MAST2: variants seen among roughly 807,000 people sequenced by gnomAD.
The protein encoded by MAST2 is microtubule-associated serine/threonine-protein kinase 2.
A neutral mutation model predicts 147.4 loss-of-function variants in MAST2; 70 were observed. The ratio of observed to expected loss-of-function variants is 0.47; its 90% CI spans 0.39 to 0.58. The LOEUF is 0.58. MAST2 is among the 20% of genes least tolerant of loss of function. The pLI is 0.00. For missense variants in MAST2, 2,080 were observed against 2,302.3 expected (o/e 0.90, Z 1.98); for synonymous variants, 869 against 896.8 (o/e 0.97, Z 0.55).
chr1:45,971,877 A>T (rs1020188366), intron 5 of MAST2, among the ~76,000 whole-genome samples: 1 of 152,214 alleles, frequency 6.6e-6, no homozygotes, highest in Non-Finnish European at 1.5e-5. Context: ...AATAAACTGT[A>T]TAAATTTTTA....
At chr1:45,854,574 T>C (rs1645729822) in intron 3 of MAST2, among the ~76,000 whole-genome samples, 1 of 152,180 alleles carries the variant, frequency 6.6e-6, no homozygotes, top group Admixed American at 6.5e-5. Context: ...TTTTTATATC[T>C]ACAAAAAGTC....
intron 4 of MAST2, among the ~76,000 whole-genome samples, chr1:45,888,346 G>T (rs1302751869): frequency 1.5e-4 from 23 of 151,976 alleles, no homozygotes; most frequent in Admixed American, 1.5e-3. Flanking sequence ...ATCTCTTGGT[G>T]TTCTGTCTTT....
intron 4 of MAST2, among the ~76,000 whole-genome samples, chr1:45,884,822 A>G (rs1647012099): frequency 6.6e-6 from 1 of 152,196 alleles, no homozygotes; most frequent in Non-Finnish European, 1.5e-5. Context: ...GTGGCTTTAA[A>G]ACAGGAGCTC....
chr1:45,884,249 C>T (rs796445826), intron 4 of MAST2, among the ~76,000 whole-genome samples: 5 of 152,152 alleles, frequency 3.3e-5, no homozygotes, highest in African/African-American at 1.2e-4. Flanking sequence ...AGTAAATACA[C>T]AGTAATATCT....
In MAST2 at chr1:45,907,753, T is replaced by C. The variant is rs116507438; in HGVS notation, c.500+25358T>C. 9.2e-3 allele frequency among the ~76,000 whole-genome samples: 1,401 copies of C among 152,332 alleles called. 22 individuals are homozygous for C. The highest frequency in any genetic ancestry group is 0.032 in the African/African-American group (1,325 of 41,570). On this transcript the variant is annotated intron_variant, in intron 4 of 28. Coordinates refer to ENST00000361297, the MANE Select transcript of MAST2 (RefSeq NM_015112.3). Reference sequence around the variant, plus strand: ...CCTTACCCCAGGCCTTGGCAGTCTCTGTTCTACTTTCTTTTTCTATGCATT... The same window carrying C: ...CCTTACCCCAGGCCTTGGCAGTCTCCGTTCTACTTTCTTTTTCTATGCATT...
At chr1:45,886,266 CATATATATTTATATATTGT>C (rs1647080370) in intron 4 of MAST2, among the ~76,000 whole-genome samples, 1 of 146,254 alleles carries the variant, frequency 6.8e-6, no homozygotes, top group African/African-American at 2.5e-5. Flanking sequence ...TATAAGTATA[CATATATATTTATATATTGT>C]ATACATATTT....
intron 15 of MAST2, chr1:46,024,229 CCCA>C: frequency 4.1e-6 from 2 of 487,118 alleles, no homozygotes. Context: ...AATCTTGCAC[CCCA>C]AAGCCTGCAC....
intron 4 of MAST2, among the ~76,000 whole-genome samples, chr1:45,902,241 C>A (rs1210289542): frequency 6.6e-6 from 1 of 152,118 alleles, no homozygotes; most frequent in Non-Finnish European, 1.5e-5. Context: ...TTGACATGAT[C>A]ATATGGTTTT....
intron 4 of MAST2, among the ~76,000 whole-genome samples, chr1:45,902,147 G>A (rs1649882884): frequency 6.6e-6 from 1 of 152,132 alleles, no homozygotes. Flanking sequence ...CTATTTTGAG[G>A]TGTCTTCCTT....
In MAST2 at chr1:45,829,472, A is replaced by G. The variant is rs778612190; in HGVS notation, c.359A>G (p.His120Arg). Residue 120 changes from histidine to arginine, a missense_variant, in exon 3 of 29, where the codon CAT becomes CGT. Coordinates refer to ENST00000361297, the MANE Select transcript of MAST2 (RefSeq NM_015112.3). ...KQLLPLSSSV[H>R]SSVGQVTWQS... is the part of the protein sequence containing the mutation. ...CTGCTCCCTTTGTCCAGCAGTGTACATAGCAGTGTGGGACAGGTGACTTGG... is the reference window on the plus strand; with the variant it reads ...CTGCTCCCTTTGTCCAGCAGTGTACGTAGCAGTGTGGGACAGGTGACTTGG... The G allele has an allele frequency of 3.1e-6, 5 of 1,614,084 alleles. No individual in the cohort carries two copies. Among genetic ancestry groups the G allele is most frequent in the Admixed American group, 3.3e-5 (2 of 60,004 alleles).
chr1:45,985,481 G>T (rs1644577784), intron 5 of MAST2, among the ~76,000 whole-genome samples: 1 of 152,124 alleles, frequency 6.6e-6, no homozygotes, highest in African/African-American at 2.4e-5. Context: ...GTTTCCCTAG[G>T]TCCTTTTGTA....
At position 46,019,709 on chromosome 1, in the gene MAST2, C is replaced by G. The variant is rs1571234187; in HGVS notation, c.1290+12C>G. 1.9e-6 allele frequency: 3 copies of G among 1,611,830 alleles called. No homozygotes were observed. Among genetic ancestry groups the G allele is most frequent in the East Asian group, 4.5e-5 (2 of 44,872 alleles). ...TCCTGGAATGCCTGGTGAGTGGACT[C>G]TAGGAAAGTCAGGTGGGCAGATTTA... On this transcript the variant is annotated intron_variant, in intron 11 of 28. Transcript: ENST00000361297.
intron 3 of MAST2, chr1:45,865,245 C>T: frequency 2.6e-6 from 1 of 379,938 alleles, no homozygotes; most frequent in Non-Finnish European, 5.2e-6. Flanking sequence ...AGGTAGGAGG[C>T]AGAGTGGAGT....
chr1:46,033,739 G>A (rs1646777066), intron 26 of MAST2, 63 bp from the exon 27 acceptor site: 1 of 1,587,580 alleles, frequency 6.3e-7, no homozygotes, highest in Admixed American at 1.7e-5. Flanking sequence ...GGGAAGGATT[G>A]GGGGAGGGGA....
chr1:45,847,154 CAGATCAA>C (rs1645463270), intron 3 of MAST2: 2 of 499,890 alleles, frequency 4.0e-6, no homozygotes, highest in East Asian at 1.1e-4. Flanking sequence ...GCAATTTCTT[CAGATCAA>C]AGTCCCATTC....
chr1:45,817,143 G>C (rs1435039776), intron 1 of MAST2, among the ~76,000 whole-genome samples: 2 of 152,208 alleles, frequency 1.3e-5, no homozygotes, highest in Non-Finnish European at 2.9e-5. Context: ...AGGAGGTAGA[G>C]AGATAGGGGT....
chr1:45,854,049 C>T (rs1378012681), intron 3 of MAST2, among the ~76,000 whole-genome samples: 1 of 152,050 alleles, frequency 6.6e-6, no homozygotes, highest in Non-Finnish European at 1.5e-5. Context: ...ATCAGTTGGA[C>T]ATATTCAGGC....
chr1:45,952,689 GAA>G (rs1202160127), intron 4 of MAST2, among the ~76,000 whole-genome samples: 1 of 152,038 alleles, frequency 6.6e-6, no homozygotes, highest in African/African-American at 2.4e-5. Flanking sequence ...AAAGTATTGA[GAA>G]AAAAGTTACT....
At chr1:46,029,681 ACT>A (rs1248998095) in intron 19 of MAST2, 114 bp downstream of exon 19, 50 of 1,358,848 alleles carry the variant, frequency 3.7e-5, no homozygotes, top group Middle Eastern at 2.1e-4. Context: ...GGATCCTGAA[ACT>A]CTGCCCTGCT....
Sources: allele counts gnomAD v4.1 joint callset (sites outside exome capture counted in the v4.1 genomes callset), GRCh38; gene constraint gnomAD v4.1.1; transcripts MANE v1.5; gene names NCBI Gene and HGNC (gene_info 2026-07-23, HGNC 2026-07-21).